The following MAGI1 variants were observed in gnomAD, a reference collection of about 807,000 sequenced individuals.
MAGI1 encodes the protein membrane-associated guanylate kinase, WW and PDZ domain-containing protein 1.
Under a neutral mutation model 139.9 loss-of-function variants are expected in MAGI1, and 58 were observed. The observed-to-expected ratio is 0.41, with a 90% confidence interval of 0.34 to 0.52. The LOEUF is 0.52. Ranked by LOEUF, MAGI1 falls within the 20% of genes least tolerant of loss-of-function variation. MAGI1 has a pLI of 0.12. For synonymous variants in MAGI1, 812 were observed against 737.9 expected (o/e 1.10, Z -1.63); for missense variants, 1,874 against 1,901.6 (o/e 0.99, Z 0.27).
Position 65,819,875 on chromosome 3 carries a change from C to CAAAAAAAAAAAAAA in MAGI1, c.314-197801_314-197788dup, listed in dbSNP as rs3077818. Among the ~76,000 whole-genome samples the CAAAAAAAAAAAAAA allele has an allele frequency of 2.6e-3, 86 of 33,474 alleles. 16 individuals are homozygous for CAAAAAAAAAAAAAA. Among genetic ancestry groups the CAAAAAAAAAAAAAA allele is most frequent in the East Asian group, 4.4e-3 (5 of 1,126 alleles). 22.0% of individuals were successfully genotyped at this position (33,474 alleles called of 152,430 possible). A position where few individuals can be genotyped will look rare whatever the true frequency, so the allele number is the denominator to read the frequency against. ...CTAGCCACAGAGCAAGACTCCATCT[C>CAAAAAAAAAAAAAA]AAAAAAAAAAAAAAAAAAAAAAGGA... On this transcript the variant is annotated intron_variant, in intron 1 of 22. Transcript: ENST00000402939.
Position 66,038,642 on chromosome 3 carries a change from C to T in MAGI1, c.-334G>A, listed in dbSNP as rs2069068463. Reference sequence around the variant, plus strand: ...TCGGGTTATTTTTTTTTCCTTCCTTCCTTTCTCTCTTGCCTTTTACAAATG... The same window carrying T: ...TCGGGTTATTTTTTTTTCCTTCCTTTCTTTCTCTCTTGCCTTTTACAAATG... On this transcript the variant is annotated 5_prime_UTR_variant, in exon 1 of 23. Coordinates refer to ENST00000402939, the MANE Select transcript of MAGI1 (RefSeq NM_001033057.2). 1 of 271,832 alleles carries T rather than the reference C, an allele frequency of 3.7e-6. No individual in the cohort carries two copies. The highest frequency in any genetic ancestry group is 1.4e-4 in the South Asian group (1 of 7,112). 16.8% of individuals were successfully genotyped at this position (271,832 alleles called of 1,614,324 possible).
At chr3:65,697,958 T>C (rs2089332425) in intron 1 of MAGI1, among the ~76,000 whole-genome samples, 2 of 78,792 alleles carry the variant, frequency 2.5e-5, no homozygotes. Flanking sequence ...GACGACATGA[T>C]TGTATATCTA....
At chr3:65,476,423 T>G (rs1232213589) in intron 4 of MAGI1, among the ~76,000 whole-genome samples, 1 of 152,220 alleles carries the variant, frequency 6.6e-6, no homozygotes, top group African/African-American at 2.4e-5. Context: ...CATGATGATC[T>G]GGGCCCACAA....
At chr3:65,516,957 T>A (rs1421467841) in intron 2 of MAGI1, among the ~76,000 whole-genome samples, 1 of 151,458 alleles carries the variant, frequency 6.6e-6, no homozygotes, top group Non-Finnish European at 1.5e-5. Context: ...CTCGATCTCC[T>A]GACCTCGTGA....
At chr3:65,364,756 C>A in intron 19 of MAGI1, 31 bp from the exon 20 acceptor site, 2 of 1,610,182 alleles carry the variant, frequency 1.2e-6, no homozygotes, top group Non-Finnish European at 1.7e-6. Context: ...AATATAAGAG[C>A]AACCCATTAG....
At chr3:65,814,438 T>C (rs1011250465) in intron 1 of MAGI1, among the ~76,000 whole-genome samples, 6 of 152,264 alleles carry the variant, frequency 3.9e-5, no homozygotes, top group Middle Eastern at 6.8e-3. Context: ...TCACACAGCA[T>C]TTGAAATCAT....
intron 2 of MAGI1, among the ~76,000 whole-genome samples, chr3:65,554,143 C>G (rs1443095788): frequency 6.6e-6 from 1 of 152,158 alleles, no homozygotes; most frequent in Non-Finnish European, 1.5e-5. Flanking sequence ...TTTTGTTTCA[C>G]TCCCCAAGAA....
At chr3:65,589,404 C>A (rs920368209) in intron 2 of MAGI1, among the ~76,000 whole-genome samples, 1 of 152,130 alleles carries the variant, frequency 6.6e-6, no homozygotes, top group African/African-American at 2.4e-5. Flanking sequence ...TAGGACCATG[C>A]ATGTCATCTT....
intron 1 of MAGI1, among the ~76,000 whole-genome samples, chr3:65,944,154 A>T (rs2063448645): frequency 1.3e-5 from 2 of 152,322 alleles, no homozygotes; most frequent in South Asian, 4.1e-4. Flanking sequence ...AATTTAATAA[A>T]AAGTGACCCT....
intron 1 of MAGI1, among the ~76,000 whole-genome samples, chr3:65,721,713 C>T (rs1027199611): frequency 6.6e-6 from 1 of 152,130 alleles, no homozygotes; most frequent in East Asian, 1.9e-4. Context: ...GAAAATACTA[C>T]TCCTCTTATT....
intron 1 of MAGI1, among the ~76,000 whole-genome samples, chr3:65,731,811 TAAG>T (rs1044325560): frequency 2.0e-5 from 3 of 152,104 alleles, no homozygotes; most frequent in African/African-American, 7.2e-5. Flanking sequence ...AGACTGATAC[TAAG>T]AAGAATGTTA....
chr3:65,401,895 A>C lies in MAGI1; in HGVS notation c.2168-425T>G, dbSNP rs576187251. ...CCAATCAGGACAGAGGAAAGGGTATATATTTAGTTTCAAAGGAGTACATGG... is the reference window on the plus strand; with the variant it reads ...CCAATCAGGACAGAGGAAAGGGTATCTATTTAGTTTCAAAGGAGTACATGG... On this transcript the variant is annotated intron_variant, in intron 12 of 22. Transcript: ENST00000402939. 3 of 985,260 alleles carry C rather than the reference A, an allele frequency of 3.0e-6. No homozygotes were observed. In the African/African-American group the frequency reaches 5.2e-5, roughly 17 times the overall value. 61.0% of individuals were successfully genotyped at this position (985,260 alleles called of 1,614,324 possible). A position where few individuals can be genotyped will look rare whatever the true frequency, so the allele number is the denominator to read the frequency against.
At chr3:66,027,060 G>C (rs552169008) in intron 1 of MAGI1, among the ~76,000 whole-genome samples, 1 of 151,844 alleles carries the variant, frequency 6.6e-6, no homozygotes, top group Admixed American at 6.6e-5. Context: ...ACAAGGTCAG[G>C]AGATCGAGAT....
rs577464790 is a variant in MAGI1 at position 65,453,418 on chromosome 3, C to T, written c.960-78G>A. The T allele has an allele frequency of 6.0e-5, 62 of 1,033,808 alleles. No individual in the cohort carries two copies. The African/African-American group carries it at 8.2e-4, about 14-fold the overall frequency. The allele number at this position is 1,033,808 out of a possible 1,614,324, so 64.0% of individuals were successfully genotyped here. On this transcript the variant is annotated intron_variant, in intron 5 of 22. Transcript: ENST00000402939. The stretch of plus-strand genomic sequence containing the variant: ...CAAGAAGCCCAATGACGGAATTACA[C>T]ACTCTTGAATATTTCTTCCTTAACT...
chr3:66,022,725 TTATAATGCCA>T (rs2107558226), intron 1 of MAGI1, among the ~76,000 whole-genome samples: 1 of 152,338 alleles, frequency 6.6e-6, no homozygotes, highest in African/African-American at 2.4e-5. Flanking sequence ...CCTATTGCCA[TTATAATGCCA>T]TATAATTAAC....
intron 2 of MAGI1, among the ~76,000 whole-genome samples, chr3:65,503,761 C>T (rs182511311): frequency 3.9e-4 from 59 of 152,300 alleles, no homozygotes; most frequent in Non-Finnish European, 7.1e-4. Context: ...GTGGCCTAGA[C>T]ATGAGAGATG....
intron 5 of MAGI1, among the ~76,000 whole-genome samples, chr3:65,454,273 T>C (rs562690616): frequency 4.0e-5 from 6 of 151,878 alleles, no homozygotes; most frequent in Admixed American, 2.0e-4. Context: ...CAGTAAACTA[T>C]TGCAAGAACA....
chr3:65,823,818 G>A (rs921938429), intron 1 of MAGI1, among the ~76,000 whole-genome samples: 2 of 152,188 alleles, frequency 1.3e-5, no homozygotes, highest in Non-Finnish European at 2.9e-5. Flanking sequence ...CACTGAGGAT[G>A]CTTCGTGAAC....
intron 1 of MAGI1, among the ~76,000 whole-genome samples, chr3:66,028,463 C>G (rs28550889): frequency 0.56 from 85,679 of 151,764 alleles, 25,603 homozygotes; most frequent in East Asian, 0.86. Context: ...CTGGGAAGTG[C>G]GAGAGCCTGG....
Sources: gnomAD v4.1 joint callset for allele counts (sites outside exome capture counted in the v4.1 genomes callset) on GRCh38, gnomAD v4.1.1 for gene constraint, MANE v1.5 for transcripts, NCBI Gene and HGNC (gene_info 2026-07-23, HGNC 2026-07-21) for gene names.